TENM3: variants seen among roughly 807,000 people sequenced by gnomAD.
TENM3 encodes teneurin-3.
TENM3 carries 63 observed loss-of-function variants against 255.1 expected under a neutral mutation model. That is an observed-to-expected ratio of 0.25 (90% confidence interval 0.20 to 0.30). The LOEUF (loss-of-function observed/expected upper bound fraction) is 0.30. Among genes scored for constraint, TENM3 ranks in the 10% least tolerant of loss-of-function variants. The probability of loss-of-function intolerance (pLI) is 1.00; values close to 1 mark genes in which losing one functional copy is unlikely to be tolerated. For synonymous variants in TENM3, 1,306 were observed against 1,322.3 expected (o/e 0.99, Z 0.27); for missense variants, 2,929 against 3,461.1 (o/e 0.85, Z 3.86).
At chr4:181,919,374 G>GGTGTGTGTGTGTGTGTGTGTGTGT in the TENM3 span, among the ~76,000 whole-genome samples, 319 of 146,838 alleles carry the variant, frequency 2.2e-3, 1 homozygote, top group African/African-American at 7.0e-3. Flanking sequence ...AAGCAAAGCA[G>GGTGTGTGTGTGTGTGTGTGTGTGT]GTGTGTGTGT....
At chr4:182,539,295 G>C (rs1367274194) in intron 3 of TENM3, among the ~76,000 whole-genome samples, 1 of 151,742 alleles carries the variant, frequency 6.6e-6, no homozygotes. Context: ...CAAACATCAA[G>C]AAAGATGAAA....
In TENM3 at chr4:182,442,497, C is replaced by T. The variant is rs190408639; in HGVS notation, c.511+95568C>T. ...CTGCACTAGTCACCAATGAATAATT[C>T]TTCCTTTCTAAACAATCAAAACAAA... On this transcript the variant is annotated intron_variant, in intron 3 of 27. Transcript: ENST00000511685. Among the ~76,000 whole-genome samples, 4 of 152,336 alleles carry T rather than the reference C, an allele frequency of 2.6e-5. No individual in the cohort carries two copies. The East Asian group carries it at 7.7e-4, about 29-fold the overall frequency.
chr4:181,448,135 G>A, the TENM3 span, among the ~76,000 whole-genome samples: 1 of 148,122 alleles, frequency 6.8e-6, no homozygotes, highest in Non-Finnish European at 1.5e-5. Context: ...CAGTTGACAG[G>A]AGTCTTTGAA....
the TENM3 span, among the ~76,000 whole-genome samples, chr4:181,572,878 TC>T: frequency 9.2e-5 from 14 of 152,296 alleles, no homozygotes; most frequent in Non-Finnish European, 1.0e-4. Context: ...TCATCCCCAG[TC>T]ACCCCACCCT....
the TENM3 span, among the ~76,000 whole-genome samples, chr4:181,579,567 G>C: frequency 6.6e-6 from 1 of 152,154 alleles, no homozygotes; most frequent in African/African-American, 2.4e-5. Flanking sequence ...ATGAGTTATG[G>C]GTTTCTTAGT....
intron 13 of TENM3, among the ~76,000 whole-genome samples, chr4:182,714,915 G>A (rs560743743): frequency 1.2e-4 from 18 of 152,156 alleles, no homozygotes; most frequent in Admixed American, 8.5e-4. Context: ...ATAGAGTTTC[G>A]CTCTTGTTGC....
the TENM3 span, among the ~76,000 whole-genome samples, chr4:182,119,599 AAAG>A: frequency 6.6e-6 from 1 of 152,136 alleles, no homozygotes; most frequent in Non-Finnish European, 1.5e-5. Context: ...TGAGGGACCT[AAAG>A]AAGTTGTTGA....
chr4:181,804,042 A>G, the TENM3 span, among the ~76,000 whole-genome samples: 1 of 66,282 alleles, frequency 1.5e-5, no homozygotes, highest in Admixed American at 2.0e-4. Flanking sequence ...TAAGGGAAGG[A>G]GGAAGGGAGG....
At chr4:182,598,037 A>G (rs936997869) in intron 3 of TENM3, among the ~76,000 whole-genome samples, 8 of 152,002 alleles carry the variant, frequency 5.3e-5, no homozygotes, top group African/African-American at 1.9e-4. Context: ...AAAATTAGCC[A>G]GTGAGGTGGC....
At chr4:181,785,339 G>A in the TENM3 span, among the ~76,000 whole-genome samples, 3 of 152,118 alleles carry the variant, frequency 2.0e-5, no homozygotes, top group African/African-American at 2.4e-5. Context: ...TGGTCGGAGC[G>A]AAGCCCTGCC....
intron 7 of TENM3, among the ~76,000 whole-genome samples, chr4:182,678,556 T>C (rs1291540493): frequency 6.6e-6 from 1 of 152,202 alleles, no homozygotes; most frequent in Non-Finnish European, 1.5e-5. Flanking sequence ...GTGGGAGGAA[T>C]GACCCCACTT....
chr4:182,265,409 ATGGGCTGATTGGCTT>A (rs984069886), intron 1 of TENM3, among the ~76,000 whole-genome samples: 3 of 152,142 alleles, frequency 2.0e-5, no homozygotes, highest in Non-Finnish European at 4.4e-5. Flanking sequence ...TGATGACAAA[ATGGGCTGATTGGCTT>A]TGGGCTGCCT....
At chr4:182,300,179 G>C (rs1479377280) in intron 1 of TENM3, among the ~76,000 whole-genome samples, 2 of 152,142 alleles carry the variant, frequency 1.3e-5, no homozygotes, top group Non-Finnish European at 2.9e-5. Context: ...CTCCCAAAGT[G>C]CTTGGATTAC....
the TENM3 span, among the ~76,000 whole-genome samples, chr4:181,697,696 T>C: frequency 5.3e-5 from 8 of 152,106 alleles, no homozygotes; most frequent in Admixed American, 3.9e-4. Flanking sequence ...CCAGCCCATT[T>C]CCTAGCTTTA....
At chr4:181,755,534 T>C in the TENM3 span, among the ~76,000 whole-genome samples, 1 of 152,188 alleles carries the variant, frequency 6.6e-6, no homozygotes, top group South Asian at 2.1e-4. Flanking sequence ...GCTAGATGGC[T>C]TGAGTCTAAA....
the TENM3 span, among the ~76,000 whole-genome samples, chr4:182,022,313 C>T: frequency 1.3e-5 from 2 of 152,094 alleles, no homozygotes; most frequent in Non-Finnish European, 2.9e-5. Context: ...AAATCAAATA[C>T]TGCATGTTCT....
chr4:182,413,141 T>C (rs961465893), intron 3 of TENM3, among the ~76,000 whole-genome samples: 3 of 151,734 alleles, frequency 2.0e-5, no homozygotes, highest in Admixed American at 6.6e-5. Context: ...CTACAAAGTA[T>C]AATATGAACA....
chr4:182,477,704 T>C (rs1432592641), intron 3 of TENM3, among the ~76,000 whole-genome samples: 2 of 152,232 alleles, frequency 1.3e-5, no homozygotes, highest in Admixed American at 6.5e-5. Context: ...ACAAGCTGTT[T>C]AATACATTTT....
At chr4:182,187,716 G>A (rs926635470) in intron 1 of TENM3, among the ~76,000 whole-genome samples, 2 of 152,000 alleles carry the variant, frequency 1.3e-5, no homozygotes, top group Non-Finnish European at 2.9e-5. Context: ...TTAAAAAAAC[G>A]TTCTAACAGC....
Sources: allele counts gnomAD v4.1 joint callset (sites outside exome capture counted in the v4.1 genomes callset), GRCh38; gene constraint gnomAD v4.1.1; transcripts MANE v1.5; gene names NCBI Gene and HGNC (gene_info 2026-07-23, HGNC 2026-07-21).